ABCA13: variants seen among roughly 807,000 people sequenced by gnomAD.
ABCA13 encodes the protein ATP-binding cassette sub-family A member 13.
In ABCA13, 476 loss-of-function variants were observed where a neutral mutation model predicts 478.7. The observed-to-expected ratio is 0.99, with a 90% confidence interval of 0.92 to 1.07. The LOEUF (loss-of-function observed/expected upper bound fraction) is 1.07. Ranked by LOEUF, ABCA13 falls within the 50% of genes least tolerant of loss-of-function variation. ABCA13 has a pLI of 0.00. For synonymous variants in ABCA13, 2,252 were observed against 2,158.9 expected (o/e 1.04, Z -1.20); for missense variants, 6,060 against 5,910.6 (o/e 1.03, Z -0.83).
intron 38 of ABCA13, among the ~76,000 whole-genome samples, chr7:48,402,895 G>A (rs1379903495): frequency 2.0e-5 from 3 of 152,234 alleles, no homozygotes; most frequent in Non-Finnish European, 4.4e-5. Context: ...GTCAAGGGAA[G>A]GTTTCAGGAA....
chr7:48,578,602 T>TAACATCAAC (rs1353938692), intron 55 of ABCA13, among the ~76,000 whole-genome samples: 2 of 152,126 alleles, frequency 1.3e-5, no homozygotes, highest in African/African-American at 4.8e-5. Flanking sequence ...TAGAAAAACT[T>TAACATCAAC]AACATCAACA....
At chr7:48,471,499 G>C in intron 44 of ABCA13, 31 bp from the exon 45 acceptor site, 2 of 1,530,040 alleles carry the variant, frequency 1.3e-6, no homozygotes, top group South Asian at 2.4e-5. Flanking sequence ...AAATCTAAAA[G>C]ATCATTCCAA....
intron 7 of ABCA13, among the ~76,000 whole-genome samples, chr7:48,231,907 C>G (rs1315638282): frequency 6.6e-6 from 1 of 152,048 alleles, no homozygotes; most frequent in Non-Finnish European, 1.5e-5. Context: ...GGTGATCTGC[C>G]CTCCTCGGCC....
intron 29 of ABCA13, among the ~76,000 whole-genome samples, chr7:48,341,163 T>C (rs2128957382): frequency 6.6e-6 from 1 of 152,232 alleles, no homozygotes; most frequent in East Asian, 1.9e-4. Flanking sequence ...TTATTTACCA[T>C]GTTTCCCTTT....
At chr7:48,595,065 A>G (rs190239150) in intron 58 of ABCA13, among the ~76,000 whole-genome samples, 1 of 152,350 alleles carries the variant, frequency 6.6e-6, no homozygotes, top group Admixed American at 6.5e-5. Context: ...CTGTGTCCAA[A>G]GATGATATTC....
At chr7:48,444,640 G>C (rs954112820) in intron 42 of ABCA13, among the ~76,000 whole-genome samples, 1 of 151,752 alleles carries the variant, frequency 6.6e-6, no homozygotes, top group African/African-American at 2.4e-5. Flanking sequence ...ATTCTTCTGA[G>C]GGGTCATTTT....
chr7:48,635,102 G>C (rs1380936468), intron 59 of ABCA13, among the ~76,000 whole-genome samples: 1 of 151,362 alleles, frequency 6.6e-6, no homozygotes, highest in South Asian at 2.1e-4. Flanking sequence ...TGGTAAATTA[G>C]ACAGCCTGTA....
chr7:48,344,077 C>A (rs59561157), intron 29 of ABCA13, among the ~76,000 whole-genome samples: 3,882 of 152,170 alleles, frequency 0.026, 174 homozygotes, highest in African/African-American at 0.088. Context: ...GCATTAAAAC[C>A]AGACTGAAAG....
rs562734187 is a variant in ABCA13 at position 48,244,717 on chromosome 7, G to A, written c.1390+14G>A. The A allele has an allele frequency of 2.2e-5, 34 of 1,579,424 alleles. No individual in the cohort carries two copies. In the African/African-American group the frequency reaches 3.8e-4, roughly 18 times the overall value. ...ATTTTGTCCAAGGTAAGCTAGCTTT[G>A]GTGTTATTTGTCCCTGACTCACTAA... On this transcript the variant is annotated intron_variant, in intron 11 of 61. Coordinates refer to ENST00000435803, the MANE Select transcript of ABCA13 (RefSeq NM_152701.5).
intron 33 of ABCA13, among the ~76,000 whole-genome samples, chr7:48,373,751 A>G (rs1399045957): frequency 6.6e-6 from 1 of 152,226 alleles, no homozygotes; most frequent in Non-Finnish European, 1.5e-5. Context: ...CAGTCATTAT[A>G]TTCGTGGGTT....
At chr7:48,194,351 C>T (rs367874334) in intron 2 of ABCA13, among the ~76,000 whole-genome samples, 3,677 of 75,610 alleles carry the variant, frequency 0.049, 144 homozygotes, top group African/African-American at 0.16. Flanking sequence ...GTAATGATTA[C>T]GATGGAGATG....
chr7:48,429,154 A>G (rs1262423506), intron 42 of ABCA13, among the ~76,000 whole-genome samples: 3 of 152,242 alleles, frequency 2.0e-5, no homozygotes, highest in Non-Finnish European at 2.9e-5. Context: ...ATTTCATTGT[A>G]TAAATATACC....
At chr7:48,607,214 C>G in intron 58 of ABCA13, among the ~76,000 whole-genome samples, 1 of 152,318 alleles carries the variant, frequency 6.6e-6, no homozygotes, top group East Asian at 1.9e-4. Flanking sequence ...GTTGCAAAGA[C>G]CACAGGAAAA....
At chr7:48,352,513 C>A in intron 31 of ABCA13, 26 bp downstream of exon 31, 1 of 1,552,010 alleles carries the variant, frequency 6.4e-7, no homozygotes, top group Non-Finnish European at 8.7e-7. Flanking sequence ...CAGGAGCCAC[C>A]GACAGTGAGA....
Position 48,466,982 on chromosome 7 carries a change from C to T in ABCA13, c.12842C>T (p.Thr4281Ile). ...FSSGGDNLDL[T>I]RVLLRKFRDQ... ...AGTGGGGGCGACAACTTGGACCTCA[C>T]CCGTGTGCTTCTGCGGAAGTTTAGA... Residue 4281 changes from threonine to isoleucine, a missense_variant, in exon 44 of 62, where the codon ACC becomes ATC. This residue lies in a region of ABCA13 where 1,627 missense variants were observed against 1,571.0 expected (regional missense o/e 1.04). Coordinates refer to ENST00000435803, the MANE Select transcript of ABCA13 (RefSeq NM_152701.5). The T allele has an allele frequency of 6.2e-7, 1 of 1,613,982 alleles. No individual in the cohort carries two copies. The highest frequency in any genetic ancestry group is 8.5e-7 in the Non-Finnish European group (1 of 1,179,884).
chr7:48,281,297 G>A, intron 18 of ABCA13, 46 bp from the exon 19 acceptor site: 1 of 1,489,790 alleles, frequency 6.7e-7, no homozygotes, highest in Non-Finnish European at 9.1e-7. Flanking sequence ...CACATGGGTT[G>A]CACATTTTTA....
chr7:48,322,196 C>G (rs1803592280), intron 27 of ABCA13, among the ~76,000 whole-genome samples: 1 of 152,170 alleles, frequency 6.6e-6, no homozygotes, highest in Admixed American at 6.5e-5. Flanking sequence ...CAGAGCAGGT[C>G]CCATAAAATG....
At position 48,350,325 on chromosome 7, in the gene ABCA13, A is replaced by G. The variant is rs143105696; in HGVS notation, c.10205-318A>G. ...TGAGAGGGTCTTTCCTATCACATGT[A>G]GACTTTCCTTCTGTTGTTTATCCTG... is the stretch of plus-strand genomic sequence containing the variant. On this transcript the variant is annotated intron_variant, in intron 29 of 61. Transcript: ENST00000435803. Among the ~76,000 whole-genome samples, 13 of 152,138 alleles carry G rather than the reference A, an allele frequency of 8.5e-5. No homozygotes were observed. The East Asian group carries it at 2.5e-3, about 29-fold the overall frequency.
intron 23 of ABCA13, 95 bp downstream of exon 23, chr7:48,298,582 T>G: frequency 2.1e-6 from 3 of 1,430,168 alleles, no homozygotes; most frequent in Non-Finnish European, 2.8e-6. Context: ...CTTCTTGCCT[T>G]CCTCTCCTTT....
Sources: gnomAD v4.1 joint callset for allele counts (sites outside exome capture counted in the v4.1 genomes callset) on GRCh38, gnomAD v4.1.1 for gene constraint, gnomAD v4.1.1 regional missense constraint, MANE v1.5 for transcripts, NCBI Gene and HGNC (gene_info 2026-07-23, HGNC 2026-07-21) for gene names.